Variants in SPATA17 observed in about 807,000 individuals in gnomAD.
SPATA17 encodes the protein spermatogenesis-associated protein 17.
A neutral mutation model predicts 62.2 loss-of-function variants in SPATA17; 53 were observed. That is an observed-to-expected ratio of 0.85 (90% CI 0.68 to 1.07). The LOEUF is 1.07. Ranked by LOEUF, SPATA17 falls within the 50% of genes least tolerant of loss-of-function variation. The pLI, the probability that SPATA17 is intolerant of heterozygous loss-of-function variation, is 0.00. For missense variants in SPATA17, 466 were observed against 425.5 expected, an observed-to-expected ratio of 1.10 and a Z score of -0.84; for synonymous variants, 146 against 146.8, an observed-to-expected ratio of 0.99 and a Z score of 0.04.
At chr1:217,637,117 T>C (rs1327424366) in intron 1 of SPATA17, among the ~76,000 whole-genome samples, 2 of 152,082 alleles carry the variant, frequency 1.3e-5, no homozygotes, top group African/African-American at 4.8e-5. Context: ...TGCATGGGGA[T>C]AGAGAAAAAG....
chr1:217,698,349 A>C (rs1488436789), intron 5 of SPATA17, among the ~76,000 whole-genome samples: 4 of 151,922 alleles, frequency 2.6e-5, no homozygotes, highest in Non-Finnish European at 5.9e-5. Flanking sequence ...CAGGAGAATC[A>C]TTTGAATCTG....
chr1:217,748,092 A>T (rs1158474008), intron 6 of SPATA17, among the ~76,000 whole-genome samples: 8 of 151,760 alleles, frequency 5.3e-5, no homozygotes, highest in Non-Finnish European at 1.0e-4. Flanking sequence ...TCACGAGGTC[A>T]GGAAATCGAG....
intron 6 of SPATA17, among the ~76,000 whole-genome samples, chr1:217,756,607 T>G (rs1042560344): frequency 4.6e-5 from 7 of 152,180 alleles, no homozygotes; most frequent in African/African-American, 1.7e-4. Context: ...GACAACATAT[T>G]CAACATTATT....
intron 5 of SPATA17, among the ~76,000 whole-genome samples, chr1:217,731,621 T>C (rs1278211684): frequency 1.3e-5 from 2 of 152,200 alleles, no homozygotes; most frequent in Non-Finnish European, 2.9e-5. Flanking sequence ...GTTTATTTCC[T>C]TCCTTTTCAT....
At chr1:217,846,521 G>A (rs1018048709) in intron 9 of SPATA17, among the ~76,000 whole-genome samples, 3 of 152,026 alleles carry the variant, frequency 2.0e-5, no homozygotes, top group Non-Finnish European at 4.4e-5. Context: ...TGAATTACCT[G>A]TGGGGGATTT....
intron 6 of SPATA17, among the ~76,000 whole-genome samples, chr1:217,768,356 A>G (rs1317884160): frequency 6.6e-6 from 1 of 152,226 alleles, no homozygotes; most frequent in African/African-American, 2.4e-5. Context: ...CTCATCGCTA[A>G]CAATAACCTC....
intron 3 of SPATA17, among the ~76,000 whole-genome samples, chr1:217,666,877 G>A (rs1304746170): frequency 2.0e-5 from 3 of 152,046 alleles, no homozygotes; most frequent in African/African-American, 7.2e-5. Context: ...GAGAATAAAT[G>A]TGGTATCAAT....
chr1:217,798,534 CA>C (rs1426489221), intron 8 of SPATA17, among the ~76,000 whole-genome samples: 1 of 152,122 alleles, frequency 6.6e-6, no homozygotes, highest in Non-Finnish European at 1.5e-5. Flanking sequence ...TGGAAAATGT[CA>C]GACTTCTGTG....
intron 1 of SPATA17, among the ~76,000 whole-genome samples, chr1:217,644,401 A>G (rs989844700): frequency 6.6e-6 from 1 of 152,216 alleles, no homozygotes; most frequent in Non-Finnish European, 1.5e-5. Flanking sequence ...TATATGCAAA[A>G]CAATAATCAT....
chr1:217,782,337 T>G lies in SPATA17; in HGVS notation c.872+15T>G. The G allele has an allele frequency of 3.8e-6, 6 of 1,576,534 alleles. No homozygotes were observed. Among genetic ancestry groups the G allele is most frequent in the Admixed American group, 1.9e-5 (1 of 51,406 alleles). ...AATGACAATATGTGAGTTCTTAGCT[T>G]AACAAAAATAGCTGTGACATATTTG... On this transcript the variant is annotated intron_variant, in intron 8 of 10. Transcript: ENST00000366933.
intron 7 of SPATA17, among the ~76,000 whole-genome samples, chr1:217,777,391 T>C (rs979158064): frequency 2.6e-5 from 4 of 152,070 alleles, no homozygotes; most frequent in Non-Finnish European, 4.4e-5. Flanking sequence ...GTTCCTGTGA[T>C]ATTCTATTTA....
chr1:217,714,163 G>T (rs1305733419), intron 5 of SPATA17, among the ~76,000 whole-genome samples: 2 of 152,008 alleles, frequency 1.3e-5, no homozygotes, highest in African/African-American at 4.8e-5. Flanking sequence ...TGTGGCAAGT[G>T]AATTACTTGA....
intron 5 of SPATA17, among the ~76,000 whole-genome samples, chr1:217,690,953 T>A (rs1003091430): frequency 6.8e-6 from 1 of 146,994 alleles, no homozygotes; most frequent in East Asian, 2.0e-4. Context: ...TAAACGTACG[T>A]GTGCATGTGT....
chr1:217,843,804 G>C (rs1675465091), intron 9 of SPATA17, among the ~76,000 whole-genome samples: 1 of 152,030 alleles, frequency 6.6e-6, no homozygotes, highest in African/African-American at 2.4e-5. Context: ...TGCAAGCTGT[G>C]GTTTTCTAAT....
intron 4 of SPATA17, among the ~76,000 whole-genome samples, chr1:217,683,029 T>C (rs1671124521): frequency 6.6e-6 from 1 of 151,768 alleles, no homozygotes; most frequent in African/African-American, 2.4e-5. Flanking sequence ...TTATAAATAA[T>C]TTAAAATAAA....
chr1:217,790,157 CT>C (rs548571982), intron 8 of SPATA17, among the ~76,000 whole-genome samples: 197 of 152,306 alleles, frequency 1.3e-3, no homozygotes, highest in African/African-American at 4.2e-3. Flanking sequence ...AAAGTTTAGT[CT>C]TCACTTCCCC....
At chr1:217,705,884 T>A (rs1216525121) in intron 5 of SPATA17, among the ~76,000 whole-genome samples, 2 of 152,226 alleles carry the variant, frequency 1.3e-5, no homozygotes, top group African/African-American at 4.8e-5. Flanking sequence ...CTTTAATCCA[T>A]CTTGAGTTGA....
chr1:217,852,246 A>G (rs1675683526), intron 9 of SPATA17, among the ~76,000 whole-genome samples: 1 of 152,092 alleles, frequency 6.6e-6, no homozygotes, highest in Admixed American at 6.6e-5. Flanking sequence ...TTCTATGTGA[A>G]TTTTTTCTAA....
chr1:217,676,232 CCAT>C (rs1439015293), intron 4 of SPATA17, among the ~76,000 whole-genome samples: 2 of 152,114 alleles, frequency 1.3e-5, no homozygotes, highest in Non-Finnish European at 2.9e-5. Context: ...GATTTGTCAT[CCAT>C]CATAAGCCTA....
Sources: allele counts gnomAD v4.1 joint callset (sites outside exome capture counted in the v4.1 genomes callset), GRCh38; gene constraint gnomAD v4.1.1; transcripts MANE v1.5; gene names NCBI Gene and HGNC (gene_info 2026-07-23, HGNC 2026-07-21).